RASGRP2: variants seen among roughly 807,000 people sequenced by gnomAD.
RASGRP2 encodes RAS guanyl-releasing protein 2.
A neutral mutation model predicts 71.0 loss-of-function variants in RASGRP2; 44 were observed. That is an observed-to-expected ratio of 0.62 (90% CI 0.49 to 0.80). The LOEUF (loss-of-function observed/expected upper bound fraction) is 0.80. Ranked by LOEUF, RASGRP2 falls within the 30% of genes least tolerant of loss-of-function variation. RASGRP2 has a pLI of 0.00. For synonymous variants in RASGRP2, 350 were observed against 330.7 expected (o/e 1.06, Z -0.63); for missense variants, 663 against 813.4 (o/e 0.82, Z 2.25).
rs1220117780 is a variant in RASGRP2 at position 64,742,417 on chromosome 11, G to T, written c.74-305C>A. On this transcript the variant is annotated intron_variant, in intron 2 of 16. Coordinates refer to ENST00000394432, the MANE Select transcript of RASGRP2 (RefSeq NM_001098671.2). This position sits in a 1 kb window ranked among gnomAD's most constrained non-coding sequence, Gnocchi z 4.7. ...GTCAAGAATCCAGAGGTCATTTCCTGAGCGCTTGGGGGGAAGGGGCACCCC... is the reference window on the plus strand; with the variant it reads ...GTCAAGAATCCAGAGGTCATTTCCTTAGCGCTTGGGGGGAAGGGGCACCCC... The T allele has an allele frequency of 1.8e-6, 1 of 566,596 alleles. No individual in the cohort carries two copies. The highest frequency in any genetic ancestry group is 4.7e-4 in the Middle Eastern group (1 of 2,110). The allele number at this position is 566,596 out of a possible 1,614,324, so 35.1% of individuals were successfully genotyped here.
rs1421863488 is a variant in RASGRP2, at chr11:64,735,159, A to T, written c.1365T>A (p.Arg455=). Reference sequence around the variant, plus strand: ...AGGCGCTGAGGTAAGGGAAGTTCCCACGGATGATCTGGAATTCTTCCTGTG... The same window carrying T: ...AGGCGCTGAGGTAAGGGAAGTTCCCTCGGATGATCTGGAATTCTTCCTGTG... ...HISQEEFQII[R]GNFPYLSAFG... The change falls in exon 12 of 17, where the codon CGT becomes CGA. Residue 455 remains arginine (R), a synonymous_variant. Coordinates refer to ENST00000394432, the MANE Select transcript of RASGRP2 (RefSeq NM_001098671.2). The surrounding 1 kb of genome is among the most constrained non-coding windows in gnomAD (Gnocchi z 4.2). 14 of 1,614,200 alleles carry T rather than the reference A, an allele frequency of 8.7e-6. No individual in the cohort carries two copies. The East Asian group carries it at 2.9e-4, about 33-fold the overall frequency.
intron 15 of RASGRP2, among the ~76,000 whole-genome samples, chr11:64,728,014 G>A (rs1284050315): frequency 6.6e-6 from 1 of 152,154 alleles, no homozygotes; most frequent in Non-Finnish European, 1.5e-5. Flanking sequence ...GCCTGCCTCT[G>A]TTTTTTGAGG....
intron 12 of RASGRP2, among the ~76,000 whole-genome samples, chr11:64,734,358 G>T (rs2057862638): frequency 6.6e-6 from 1 of 151,564 alleles, no homozygotes; most frequent in Non-Finnish European, 1.5e-5. Flanking sequence ...TTACTCTGTT[G>T]CCCAGGCTGG....
At chr11:64,727,714 G>A (rs1439462723) in intron 15 of RASGRP2, among the ~76,000 whole-genome samples, 2 of 151,870 alleles carry the variant, frequency 1.3e-5, no homozygotes, top group East Asian at 3.9e-4. Flanking sequence ...ATGATGTTTT[G>A]CCACGTTGGC....
rs1190199617 is a variant in RASGRP2, at chr11:64,743,919, C to A, written c.-72+84G>T. 113 of 952,766 alleles carry A rather than the reference C, an allele frequency of 1.2e-4. No individual in the cohort carries two copies. The highest frequency in any genetic ancestry group is 1.4e-4 in the Non-Finnish European group (110 of 791,114). The allele number at this position is 952,766 out of a possible 1,614,324, so 59.0% of individuals were successfully genotyped here. A position where few individuals can be genotyped will look rare whatever the true frequency, so the allele number is the denominator to read the frequency against. ...CTTACACGCACCGGGCCACAGGCAC[C>A]GGCCTCCCATCCTCCGTCTCTCACA... On this transcript the variant is annotated intron_variant, in intron 1 of 16. Transcript: ENST00000394432. The surrounding 1 kb of genome is among the most constrained non-coding windows in gnomAD (Gnocchi z 4.9).
At position 64,742,195 on chromosome 11, in the gene RASGRP2, A is replaced by G; in HGVS notation, c.74-83T>C. ...ATCCTCACCCCGCAACCCGCCAGGT[A>G]TCGGTCCTTCGGGTGCACGCTCGAC... On this transcript the variant is annotated intron_variant, in intron 2 of 16. Transcript: ENST00000394432. This position sits in a 1 kb window ranked among gnomAD's most constrained non-coding sequence, Gnocchi z 4.7. 2 of 1,120,744 alleles carry G rather than the reference A, an allele frequency of 1.8e-6. No individual in the cohort carries two copies. The highest frequency in any genetic ancestry group is 2.6e-5 in the East Asian group (1 of 38,906). The allele number at this position is 1,120,744 out of a possible 1,614,324, so 69.4% of individuals were successfully genotyped here. A position where few individuals can be genotyped will look rare whatever the true frequency, so the allele number is the denominator to read the frequency against.
At chr11:64,729,823 G>A (rs777974757) in intron 13 of RASGRP2, 25 bp from the exon 14 acceptor site, 1 of 1,613,694 alleles carries the variant, frequency 6.2e-7, no homozygotes, top group South Asian at 1.1e-5. Flanking sequence ...GGGCCGTGGT[G>A]GGAGGAGGGA....
Position 64,743,535 on chromosome 11 carries a change from CG to C in RASGRP2, c.-72+467del, listed in dbSNP as rs989680311. ...GGATGGGAGAGGAACATTCCTGGGG[CG>C]GGGGGAGCCCGCTGCGGCCAGGAGG... On this transcript the variant is annotated intron_variant, in intron 1 of 16. Coordinates refer to ENST00000394432, the MANE Select transcript of RASGRP2 (RefSeq NM_001098671.2). This position sits in a 1 kb window ranked among gnomAD's most constrained non-coding sequence, Gnocchi z 4.9. 1.2e-5 allele frequency: 4 copies of C among 336,910 alleles called. No individual in the cohort carries two copies. The highest frequency in any genetic ancestry group is 4.3e-5 in the Admixed American group (1 of 23,130). The allele number at this position is 336,910 out of a possible 1,614,324, so 20.9% of individuals were successfully genotyped here. A position where few individuals can be genotyped will look rare whatever the true frequency, so the allele number is the denominator to read the frequency against.
chr11:64,741,922 A>C (rs1053169024), intron 3 of RASGRP2, 88 bp downstream of exon 3: 1 of 1,123,230 alleles, frequency 8.9e-7, no homozygotes, highest in Admixed American at 2.0e-5. Flanking sequence ...TATACTTAGG[A>C]GCGAGGCTCA....
chr11:64,741,866 A>C, intron 3 of RASGRP2, 144 bp downstream of exon 3: 1 of 747,720 alleles, frequency 1.3e-6, no homozygotes, highest in East Asian at 2.7e-5. Flanking sequence ...CCTAGGCCCT[A>C]GTTGGAGGCT....
upstream of RASGRP2, chr11:64,744,231 G>A (rs2058236089): frequency 1.0e-6 from 1 of 985,862 alleles, no homozygotes; most frequent in Non-Finnish European, 1.2e-6. Context: ...CATTTGCGGT[G>A]CAGGGCCCGC....
Position 64,735,778 on chromosome 11 carries a change from C to T in RASGRP2, c.1174-114G>A. On this transcript the variant is annotated intron_variant, in intron 10 of 16. Coordinates refer to ENST00000394432, the MANE Select transcript of RASGRP2 (RefSeq NM_001098671.2). The surrounding 1 kb of genome is among the most constrained non-coding windows in gnomAD (Gnocchi z 4.2). ...AAGTCTGCCCAACACTACTGCCCTA[C>T]CCCCAGGATGCCTCTGTCCTACAAG... The T allele has an allele frequency of 6.8e-7, 1 of 1,479,184 alleles. No homozygotes were observed. The highest frequency in any genetic ancestry group is 9.2e-7 in the Non-Finnish European group (1 of 1,081,724). 91.6% of individuals were successfully genotyped at this position (1,479,184 alleles called of 1,614,324 possible). A position where few individuals can be genotyped will look rare whatever the true frequency, so the allele number is the denominator to read the frequency against.
At chr11:64,740,222 A>G in intron 5 of RASGRP2, 59 bp from the exon 6 acceptor site, 1 of 1,600,064 alleles carries the variant, frequency 6.2e-7, no homozygotes, top group Non-Finnish European at 8.6e-7. Flanking sequence ...GTGGCCCCCC[A>G]CTCACACAGA....
chr11:64,744,318 C>T (rs2135810669), upstream of RASGRP2: 1 of 985,432 alleles, frequency 1.0e-6, no homozygotes, highest in Non-Finnish European at 1.2e-6. Context: ...GTACCCCGGC[C>T]CTACACATAC....
In RASGRP2 at chr11:64,739,294, GTGCTGC is replaced by G; in HGVS notation, c.813+60_813+65del. 8.1e-7 allele frequency: 1 copy of G among 1,228,004 alleles called. No individual in the cohort carries two copies. Among genetic ancestry groups the G allele is most frequent in the South Asian group, 1.2e-5 (1 of 83,038 alleles). The allele number at this position is 1,228,004 out of a possible 1,614,324, so 76.1% of individuals were successfully genotyped here. On this transcript the variant is annotated intron_variant, in intron 8 of 16. Transcript: ENST00000394432. This position sits in a 1 kb window ranked among gnomAD's most constrained non-coding sequence, Gnocchi z 4.2. ...TGAGGACAGCTGTGCCCAGCCCCCA[GTGCTGC>G]TGGGAGGACCCAGTGAAGACAGACC...
chr11:64,728,718 C>G, intron 15 of RASGRP2, 145 bp downstream of exon 15: 1 of 935,010 alleles, frequency 1.1e-6, no homozygotes, highest in Non-Finnish European at 1.5e-6. Flanking sequence ...CAGGCGTGAG[C>G]CACCGCGCCC....
chr11:64,741,316 C>T (rs1231391130), intron 4 of RASGRP2, 123 bp downstream of exon 4: 3 of 1,211,784 alleles, frequency 2.5e-6, no homozygotes, highest in African/African-American at 1.5e-5. Flanking sequence ...GCACTGCCCA[C>T]CCGGACAAGC....
intron 12 of RASGRP2, among the ~76,000 whole-genome samples, chr11:64,731,126 G>A (rs2057752027): frequency 6.6e-6 from 1 of 152,246 alleles, no homozygotes; most frequent in Non-Finnish European, 1.5e-5. Context: ...GGAGGCCAAG[G>A]CGGGTGGATC....
rs1451925693 is a variant in RASGRP2 at position 64,742,650 on chromosome 11, G to A, written c.73+144C>T. 4.7e-6 allele frequency: 5 copies of A among 1,060,210 alleles called. No individual in the cohort carries two copies. Among genetic ancestry groups the A allele is most frequent in the South Asian group, 1.4e-5 (1 of 73,840 alleles). The allele number at this position is 1,060,210 out of a possible 1,614,324, so 65.7% of individuals were successfully genotyped here. On this transcript the variant is annotated intron_variant, in intron 2 of 16. Transcript: ENST00000394432. The surrounding 1 kb of genome is among the most constrained non-coding windows in gnomAD (Gnocchi z 4.7). ...CATCTCTCTGCCCTGCGTTGCGGAG[G>A]AGGCTTTCGTTAAAGAGACTGCACG...
Sources: allele counts gnomAD v4.1 joint callset (sites outside exome capture counted in the v4.1 genomes callset), GRCh38; gene constraint gnomAD v4.1.1; non-coding constraint Gnocchi (gnomAD v3.1); transcripts MANE v1.5; gene names NCBI Gene and HGNC (gene_info 2026-07-23, HGNC 2026-07-21).